ZNF407: variants seen among roughly 807,000 people sequenced by gnomAD.
The protein encoded by ZNF407 is zinc finger protein 407.
Under a neutral mutation model 131.2 loss-of-function variants are expected in ZNF407, and 17 were observed. The ratio of observed to expected loss-of-function variants is 0.13; its 90% CI spans 0.09 to 0.19. The LOEUF (loss-of-function observed/expected upper bound fraction) is 0.19, where lower values mean the gene tolerates loss of function less well. Among genes scored for constraint, ZNF407 ranks in the 10% least tolerant of loss-of-function variants. The probability of loss-of-function intolerance (pLI) is 1.00; values close to 1 mark genes in which losing one functional copy is unlikely to be tolerated. For missense variants in ZNF407, 2,681 were observed against 2,830.6 expected (o/e 0.95, Z 1.20); for synonymous variants, 1,156 against 1,062.0 (o/e 1.09, Z -1.72).
chr18:74,745,642 A>T (rs1307602472), intron 3 of ZNF407, among the ~76,000 whole-genome samples: 2 of 152,198 alleles, frequency 1.3e-5, no homozygotes, highest in South Asian at 4.1e-4. Context: ...TTGCTTTAAC[A>T]TACTTTCTCC....
chr18:74,903,404 A>C (rs924815100), intron 7 of ZNF407, among the ~76,000 whole-genome samples: 1 of 152,178 alleles, frequency 6.6e-6, no homozygotes, highest in Non-Finnish European at 1.5e-5. Context: ...AGTTGTATGT[A>C]TTATTTTATA....
At chr18:74,859,413 A>G (rs1209912972) in intron 4 of ZNF407, among the ~76,000 whole-genome samples, 1 of 152,128 alleles carries the variant, frequency 6.6e-6, no homozygotes, top group African/African-American at 2.4e-5. Flanking sequence ...GAAAGATCAA[A>G]TGTGGGGCAG....
At chr18:74,844,728 G>A (rs1970679561) in intron 4 of ZNF407, among the ~76,000 whole-genome samples, 1 of 151,998 alleles carries the variant, frequency 6.6e-6, no homozygotes, top group Non-Finnish European at 1.5e-5. Context: ...TCAAAACGGG[G>A]AAACACCATG....
At chr18:74,680,426 C>T (rs75881485) in intron 3 of ZNF407, among the ~76,000 whole-genome samples, 1 of 151,500 alleles carries the variant, frequency 6.6e-6, no homozygotes, top group East Asian at 1.9e-4. Flanking sequence ...ATAGAACCCC[C>T]AAACAAGCCC....
Position 74,993,931 on chromosome 18 carries a change from C to G in ZNF407, c.5429-69219C>G, listed in dbSNP as rs555649842. 4.6e-5 allele frequency among the ~76,000 whole-genome samples: 7 copies of G among 152,322 alleles called. No individual in the cohort carries two copies. In the East Asian group the frequency reaches 1.2e-3, roughly 25 times the overall value. ...TAATAAGTGACTGAAGTGTGAGAGA[C>G]AAAGACTGGTGCACTATTCCAGAAT... On this transcript the variant is annotated intron_variant, in intron 8 of 8. Transcript: ENST00000299687.
intron 3 of ZNF407, among the ~76,000 whole-genome samples, chr18:74,660,640 T>A (rs1336619643): frequency 6.6e-6 from 1 of 152,142 alleles, no homozygotes; most frequent in Non-Finnish European, 1.5e-5. Context: ...ATTCCTTTCC[T>A]ATGTTTTAAG....
intron 3 of ZNF407, among the ~76,000 whole-genome samples, chr18:74,753,603 A>G (rs1968857988): frequency 1.3e-5 from 2 of 152,186 alleles, no homozygotes; most frequent in African/African-American, 4.8e-5. Context: ...TTCTGCATCT[A>G]TTGAGATAAT....
At position 74,642,716 on chromosome 18, in the gene ZNF407, GT is replaced by G. The variant is rs1392936588; in HGVS notation, c.4802+1596del. Among the ~76,000 whole-genome samples the G allele has an allele frequency of 4.6e-5, 7 of 152,202 alleles. No individual in the cohort carries two copies. In the East Asian group the frequency reaches 5.8e-4, roughly 13 times the overall value. ...ATACAACTGAAATACTGTATGAGTA[GT>G]TCATATATTTGATCCTGGAGATACA... On this transcript the variant is annotated intron_variant, in intron 3 of 8. Transcript: ENST00000299687.
intron 1 of ZNF407, chr18:74,598,341 T>C (rs1277456755): frequency 6.6e-6 from 1 of 152,448 alleles, no homozygotes; most frequent in South Asian, 2.1e-4. Flanking sequence ...CGGTTTCCCC[T>C]GCCGGGTTCG....
In ZNF407 at chr18:74,631,456, A is replaced by G. The variant is rs1463412984; in HGVS notation, c.437A>G (p.Lys146Arg). 1 of 1,614,002 alleles carries G rather than the reference A, an allele frequency of 6.2e-7. No homozygotes were observed. Among genetic ancestry groups the G allele is most frequent in the Non-Finnish European group, 8.5e-7 (1 of 1,179,890 alleles). Residue 146 changes from lysine to arginine, a missense_variant, in exon 2 of 9, where the codon AAA (lysine) becomes AGA (arginine). Physicochemically the swap from Lys to Arg is conservative, Grantham distance 26. Around this residue, in one of 6 missense-constraint regions of ZNF407, gnomAD observed 1,789 missense variants for 1,748.7 expected, o/e 1.02. Transcript: ENST00000299687. Reference sequence around the variant, plus strand: ...AGCACTATTGATGTTGTTTCTCTGAAAACAGACACTGAAAAAACATCTGCT... The same window carrying G: ...AGCACTATTGATGTTGTTTCTCTGAGAACAGACACTGAAAAAACATCTGCT... ...NFSTIDVVSL[K>R]TDTEKTSAQE...
chr18:74,932,219 A>G (rs192200576), intron 8 of ZNF407, among the ~76,000 whole-genome samples: 5 of 152,322 alleles, frequency 3.3e-5, no homozygotes, highest in Non-Finnish European at 5.9e-5. Flanking sequence ...TGTATAACAT[A>G]TAAGGTGTAA....
intron 4 of ZNF407, among the ~76,000 whole-genome samples, chr18:74,867,029 A>G (rs1599207805): frequency 6.7e-6 from 1 of 149,892 alleles, no homozygotes. Flanking sequence ...TTAATCCACC[A>G]TAGTTTGAAT....
At chr18:74,998,968 A>G (rs1470880970) in intron 8 of ZNF407, among the ~76,000 whole-genome samples, 3 of 11,074 alleles carry the variant, frequency 2.7e-4, no homozygotes, top group African/African-American at 1.5e-3. Context: ...ACAATGATAG[A>G]CTGGATTAAG....
chr18:74,837,265 T>C (rs990579739), intron 4 of ZNF407, among the ~76,000 whole-genome samples: 2 of 152,200 alleles, frequency 1.3e-5, no homozygotes, highest in Non-Finnish European at 2.9e-5. Flanking sequence ...TTGTTCGCTT[T>C]ACTACTTTTC....
chr18:74,929,976 T>C (rs1971963157), intron 8 of ZNF407, among the ~76,000 whole-genome samples: 1 of 152,230 alleles, frequency 6.6e-6, no homozygotes, highest in African/African-American at 2.4e-5. Flanking sequence ...AATGTTAACA[T>C]CAAACATAAC....
At chr18:74,653,623 T>G (rs1448858167) in intron 3 of ZNF407, among the ~76,000 whole-genome samples, 1 of 151,866 alleles carries the variant, frequency 6.6e-6, no homozygotes, top group Admixed American at 6.6e-5. Context: ...TATGCTTATA[T>G]TTATTGAATC....
chr18:74,985,462 TTAGAC>T (rs1972641762), intron 8 of ZNF407, among the ~76,000 whole-genome samples: 2 of 152,206 alleles, frequency 1.3e-5, no homozygotes, highest in Admixed American at 1.3e-4. Context: ...AGAACAAACT[TTAGAC>T]TAATCTTTGA....
chr18:74,777,505 C>T (rs1969497629), intron 3 of ZNF407, among the ~76,000 whole-genome samples: 1 of 152,132 alleles, frequency 6.6e-6, no homozygotes, highest in Non-Finnish European at 1.5e-5. Context: ...TCCTCATGAA[C>T]ATGTCCCAGA....
chr18:75,002,784 A>G (rs533981100), intron 8 of ZNF407, among the ~76,000 whole-genome samples: 162 of 143,744 alleles, frequency 1.1e-3, no homozygotes, highest in Non-Finnish European at 1.4e-3. Context: ...CAGCCTGGGC[A>G]ACAGAGCGAG....
Sources: allele counts gnomAD v4.1 joint callset (sites outside exome capture counted in the v4.1 genomes callset), GRCh38; gene constraint gnomAD v4.1.1; regional missense constraint gnomAD v4.1.1; transcripts MANE v1.5; gene names NCBI Gene and HGNC (gene_info 2026-07-23, HGNC 2026-07-21).